Variants in HECTD4 observed in about 807,000 individuals in gnomAD.
HECTD4 encodes HECT domain E3 ubiquitin protein ligase 4.
In HECTD4, 114 loss-of-function variants were observed where a neutral mutation model predicts 471.5. That is an observed-to-expected ratio of 0.24 (90% confidence interval 0.21 to 0.28). The LOEUF (loss-of-function observed/expected upper bound fraction) is 0.28, where lower values mean the gene tolerates loss of function less well. Among genes scored for constraint, HECTD4 ranks in the 10% least tolerant of loss-of-function variants. The probability of loss-of-function intolerance (pLI) is 1.00; values close to 1 mark genes in which losing one functional copy is unlikely to be tolerated. For synonymous variants in HECTD4, 2,012 were observed against 2,256.0 expected (o/e 0.89, Z 3.07); for missense variants, 3,866 against 5,651.5 (o/e 0.68, Z 10.13).
chr12:112,288,665 T>A (rs1210106821), intron 7 of HECTD4, among the ~76,000 whole-genome samples: 2 of 152,136 alleles, frequency 1.3e-5, no homozygotes, highest in African/African-American at 4.8e-5. Flanking sequence ...AGACTTGATA[T>A]CCACTTGTCC....
At chr12:112,255,524 G>A (rs565294089) in intron 21 of HECTD4, among the ~76,000 whole-genome samples, 2 of 152,050 alleles carry the variant, frequency 1.3e-5, no homozygotes, top group African/African-American at 4.8e-5. Flanking sequence ...AAACCTCCCC[G>A]GATAGAATTT....
At chr12:112,281,984 T>C (rs1286053223) in intron 8 of HECTD4, among the ~76,000 whole-genome samples, 2 of 152,168 alleles carry the variant, frequency 1.3e-5, no homozygotes, top group East Asian at 3.8e-4. Flanking sequence ...GAAAATCTAA[T>C]GAAAGTTATG....
At chr12:112,255,053 T>C (rs1480566012) in intron 21 of HECTD4, among the ~76,000 whole-genome samples, 1 of 152,242 alleles carries the variant, frequency 6.6e-6, no homozygotes, top group Non-Finnish European at 1.5e-5. Context: ...CAGGGACCAC[T>C]GGAAAAGTAA....
Position 112,381,806 on chromosome 12 carries a change from C to T in HECTD4, c.177+146G>A. ...GGTCCGCAGACCTGCGGCCGCGGCC[C>T]CACCTGCCCGCCCCGCGCCCACACA... is the stretch of plus-strand genomic sequence containing the variant. On this transcript the variant is annotated intron_variant, in intron 1 of 75. Transcript: ENST00000682272. This position sits in a 1 kb window ranked among gnomAD's most constrained non-coding sequence, Gnocchi z 4.1. 1 of 436,384 alleles carries T rather than the reference C, an allele frequency of 2.3e-6. No homozygotes were observed. Among genetic ancestry groups the T allele is most frequent in the Non-Finnish European group, 3.6e-6 (1 of 275,530 alleles). The allele number at this position is 436,384 out of a possible 1,614,324, so 27.0% of individuals were successfully genotyped here.
intron 67 of HECTD4, chr12:112,171,477 G>C: frequency 1.5e-6 from 1 of 685,258 alleles, no homozygotes; most frequent in South Asian, 2.0e-5. Flanking sequence ...CCAGATGGAG[G>C]TGCTGGCTCT....
At position 112,162,549 on chromosome 12, in the gene HECTD4, A is replaced by C. The variant is rs1471688852; in HGVS notation, c.13121-26T>G. On this transcript the variant is annotated intron_variant, in intron 75 of 75. Coordinates refer to ENST00000682272, the MANE Select transcript of HECTD4 (RefSeq NM_001388303.1). The surrounding 1 kb of genome is among the most constrained non-coding windows in gnomAD (Gnocchi z 5.2). ...CTACAAGAAACCGAGCCAGCATCAG[A>C]GGGTTGGGCCCACATCTGTGAGGCT... 3 of 1,613,766 alleles carry C rather than the reference A, an allele frequency of 1.9e-6. No homozygotes were observed. The highest frequency in any genetic ancestry group is 1.7e-5 in the Admixed American group (1 of 60,030).
intron 16 of HECTD4, among the ~76,000 whole-genome samples, chr12:112,264,819 C>T (rs1430401346): frequency 1.3e-5 from 2 of 152,274 alleles, no homozygotes; most frequent in Admixed American, 6.5e-5. Flanking sequence ...GGCTGGAGTG[C>T]GGTGGCGCGA....
At chr12:112,206,974 G>A (rs981346561) in intron 52 of HECTD4, among the ~76,000 whole-genome samples, 11 of 152,116 alleles carry the variant, frequency 7.2e-5, no homozygotes, top group African/African-American at 1.9e-4. Flanking sequence ...AGAGACAGAC[G>A]CTTTTGGAAT....
Position 112,235,154 on chromosome 12 carries a change from A to T in HECTD4, c.5838T>A (p.Ala1946=). Residue 1946 remains alanine, a synonymous_variant, in exon 37 of 76, where the codon GCT becomes GCA. Transcript: ENST00000682272. The surrounding 1 kb of genome is among the most constrained non-coding windows in gnomAD (Gnocchi z 5.0). ...TAAATATCGAGAGCTTGCCATCCACAGCCTCACTCTCTTCTCCAGGATCTT... is the reference window on the plus strand; with the variant it reads ...TAAATATCGAGAGCTTGCCATCCACTGCCTCACTCTCTTCTCCAGGATCTT... The part of the protein sequence containing the change: ...GDKDPGEESE[A]VDGKLSIFIH... The T allele has an allele frequency of 6.2e-7, 1 of 1,613,628 alleles. No homozygotes were observed. The highest frequency in any genetic ancestry group is 8.5e-7 in the Non-Finnish European group (1 of 1,179,716).
chr12:112,379,711 G>T (rs867286054), intron 1 of HECTD4, among the ~76,000 whole-genome samples: 4 of 143,814 alleles, frequency 2.8e-5, no homozygotes, highest in Admixed American at 6.9e-5. Context: ...AAAATAAAAA[G>T]ATTTTTTATA....
intron 20 of HECTD4, 30 bp downstream of exon 20, chr12:112,258,466 G>C (rs368820416): frequency 1.4e-6 from 2 of 1,471,964 alleles, no homozygotes; most frequent in African/African-American, 2.9e-5. Flanking sequence ...AACAAGAAAA[G>C]GGTTCCTGCA....
intron 1 of HECTD4, among the ~76,000 whole-genome samples, chr12:112,370,600 A>C (rs2036647479): frequency 6.6e-6 from 1 of 152,212 alleles, no homozygotes; most frequent in Non-Finnish European, 1.5e-5. Flanking sequence ...AAAAAATAGA[A>C]TGTGTTATAT....
chr12:112,222,258 A>T (rs1035484331), intron 44 of HECTD4, among the ~76,000 whole-genome samples: 1 of 151,982 alleles, frequency 6.6e-6, no homozygotes, highest in African/African-American at 2.4e-5. Flanking sequence ...GGTTTCACCA[A>T]GTTGGACAGG....
At chr12:112,247,419 C>G (rs1004260603) in intron 28 of HECTD4, 43 bp downstream of exon 28, 24 of 916,086 alleles carry the variant, frequency 2.6e-5, no homozygotes, top group Non-Finnish European at 3.5e-5. Flanking sequence ...GTGTTTTGAG[C>G]ATCAAGGTGA....
At chr12:112,208,893 C>CTTTTT (rs756330403) in intron 50 of HECTD4, among the ~76,000 whole-genome samples, 8 of 72,468 alleles carry the variant, frequency 1.1e-4, no homozygotes, top group East Asian at 5.4e-4. Context: ...ACTAAACAGG[C>CTTTTT]TTTTTTTTTT....
Position 112,188,088 on chromosome 12 carries a change from A to G in HECTD4, c.9473-2595T>C, listed in dbSNP as rs1378844397. Among the ~76,000 whole-genome samples, 1 of 152,030 alleles carries G rather than the reference A, an allele frequency of 6.6e-6. No individual in the cohort carries two copies. The highest frequency in any genetic ancestry group is 2.4e-5 in the African/African-American group (1 of 41,404). On this transcript the variant is annotated intron_variant, in intron 60 of 75. Coordinates refer to ENST00000682272, the MANE Select transcript of HECTD4 (RefSeq NM_001388303.1). This position sits in a 1 kb window ranked among gnomAD's most constrained non-coding sequence, Gnocchi z 4.2. Reference sequence around the variant, plus strand: ...GGTCACCTGAGGTCAGGAGACTGAGACCAGCCTGGCTAACATGGTGAAATC... The same window carrying G: ...GGTCACCTGAGGTCAGGAGACTGAGGCCAGCCTGGCTAACATGGTGAAATC...
At chr12:112,172,403 G>A (rs940392945) in intron 67 of HECTD4, among the ~76,000 whole-genome samples, 1 of 152,214 alleles carries the variant, frequency 6.6e-6, no homozygotes, top group African/African-American at 2.4e-5. Context: ...GGCATTCCCC[G>A]CAGCCGTGCA....
Position 112,283,175 on chromosome 12 carries a change from G to T in HECTD4, c.1463C>A (p.Pro488Gln). 6.2e-7 allele frequency: 1 copy of T among 1,613,776 alleles called. No individual in the cohort carries two copies. Among genetic ancestry groups the T allele is most frequent in the Non-Finnish European group, 8.5e-7 (1 of 1,179,818 alleles). The part of the protein sequence containing the change: ...LSRLSRYRAS[P>Q]SATLAALTGS... ...AGTCAGGGCAGCAAGCGTTGCTGAC[G>T]GGGAGGCTCTATACCGAGAAAGTCT... The change falls in exon 8 of 76, where the codon CCG (proline) becomes CAG (glutamine). Residue 488 changes from proline (P) to glutamine (Q), a missense_variant. Transcript: ENST00000682272.
chr12:112,171,376 C>A, intron 67 of HECTD4, 113 bp from the exon 68 acceptor site: 1 of 1,491,132 alleles, frequency 6.7e-7, no homozygotes, highest in South Asian at 1.2e-5. Context: ...GATTTTTTAC[C>A]TGGGACCCTG....
Sources: gnomAD v4.1 joint callset for allele counts (sites outside exome capture counted in the v4.1 genomes callset) on GRCh38, gnomAD v4.1.1 for gene constraint, Gnocchi (gnomAD v3.1) non-coding constraint, MANE v1.5 for transcripts, NCBI Gene and HGNC (gene_info 2026-07-23, HGNC 2026-07-21) for gene names.